The following GTF2E2 variants were observed in gnomAD, a reference collection of about 807,000 sequenced individuals.
The protein encoded by GTF2E2 is general transcription factor IIE subunit 2.
A neutral mutation model predicts 40.5 loss-of-function variants in GTF2E2; 21 were observed. The observed-to-expected ratio is 0.52, with a 90% CI of 0.37 to 0.75. The LOEUF (loss-of-function observed/expected upper bound fraction) is 0.75, where lower values mean the gene tolerates loss of function less well. Among genes scored for constraint, GTF2E2 ranks in the 30% least tolerant of loss-of-function variants. The pLI is 0.00. For missense variants in GTF2E2, 298 were observed against 338.4 expected (o/e 0.88, Z 0.94); for synonymous variants, 117 against 121.6 (o/e 0.96, Z 0.25).
At chr8:30,646,682 T>C (rs1802087760) in intron 2 of GTF2E2, among the ~76,000 whole-genome samples, 1 of 152,012 alleles carries the variant, frequency 6.6e-6, no homozygotes, top group East Asian at 1.9e-4. Context: ...CTTAATGAAT[T>C]ATTAAAAAGC....
At chr8:30,648,347 G>A (rs983419165) in intron 2 of GTF2E2, among the ~76,000 whole-genome samples, 1 of 152,194 alleles carries the variant, frequency 6.6e-6, no homozygotes, top group African/African-American at 2.4e-5. Context: ...AGCTTGAGCT[G>A]AAAGCAACAT....
rs146064282 is a variant in GTF2E2, at chr8:30,620,523, CTCTA to C, written c.259-5812_259-5809del. Among the ~76,000 whole-genome samples, 374 of 152,192 alleles carry C rather than the reference CTCTA, an allele frequency of 2.5e-3. 5 individuals are homozygous for C. The highest frequency in any genetic ancestry group is 8.3e-3 in the African/African-American group (344 of 41,464). ...TAAAATAGTGTATTTTACCTTTTAT[CTCTA>C]TCTTTTTCATTTCTTATTTTTGTGT... On this transcript the variant is annotated intron_variant, in intron 3 of 7. Transcript: ENST00000355904.
At chr8:30,622,294 G>A (rs987643117) in intron 3 of GTF2E2, among the ~76,000 whole-genome samples, 7 of 151,876 alleles carry the variant, frequency 4.6e-5, no homozygotes, top group African/African-American at 7.3e-5. Flanking sequence ...AAAGCTGGGC[G>A]TCCAGGGGAG....
rs151025566 is a variant in GTF2E2 at position 30,580,940 on chromosome 8, C to T, written c.644-544G>A. 1.4e-3 allele frequency among the ~76,000 whole-genome samples: 209 copies of T among 152,316 alleles called. 1 individual carries two copies. Among genetic ancestry groups the T allele is most frequent in the South Asian group, 3.7e-3 (18 of 4,830 alleles). ...TGGCTGAAATAGAAACACTGTCTCA[C>T]CTCCTCTCTGTAATACAAGGAGAAA... On this transcript the variant is annotated intron_variant, in intron 6 of 7. Transcript: ENST00000355904.
chr8:30,644,259 C>T (rs1439263630), intron 2 of GTF2E2, among the ~76,000 whole-genome samples: 1 of 152,130 alleles, frequency 6.6e-6, no homozygotes, highest in Non-Finnish European at 1.5e-5. Context: ...CTTGAACTCA[C>T]CAGCTTCTTT....
intron 4 of GTF2E2, among the ~76,000 whole-genome samples, chr8:30,613,453 A>G (rs1335635809): frequency 1.3e-5 from 2 of 152,244 alleles, no homozygotes; most frequent in Non-Finnish European, 2.9e-5. Flanking sequence ...GCAACCCTAT[A>G]TATTTTCTTC....
chr8:30,646,398 C>A (rs1802076201), intron 2 of GTF2E2, among the ~76,000 whole-genome samples: 1 of 151,978 alleles, frequency 6.6e-6, no homozygotes, highest in South Asian at 2.1e-4. Context: ...CACTCAACAC[C>A]TGTTGAAATA....
chr8:30,651,535 G>T (rs1359469476), intron 2 of GTF2E2, among the ~76,000 whole-genome samples: 1 of 152,160 alleles, frequency 6.6e-6, no homozygotes, highest in African/African-American at 2.4e-5. Context: ...TAGGAAGATT[G>T]CTTGAGGCCA....
Position 30,622,202 on chromosome 8 carries a change from G to A in GTF2E2, c.259-7487C>T, listed in dbSNP as rs963302718. Among the ~76,000 whole-genome samples the A allele has an allele frequency of 4.5e-5, 6 of 133,322 alleles. 1 individual carries two copies. Among genetic ancestry groups the A allele is most frequent in the Admixed American group, 3.5e-4 (4 of 11,430 alleles). The allele number at this position is 133,322 out of a possible 152,430, so 87.5% of individuals were successfully genotyped here. ...GGGTATTAGGGAACCTGCCCCAATA[G>A]TCATGTAGGTTCTTTTCTATTTTCC... On this transcript the variant is annotated intron_variant, in intron 3 of 7. Transcript: ENST00000355904.
In GTF2E2 at chr8:30,621,989, A is replaced by G. The variant is rs569313236; in HGVS notation, c.259-7274T>C. Among the ~76,000 whole-genome samples, 47 of 151,428 alleles carry G rather than the reference A, an allele frequency of 3.1e-4. 1 individual carries two copies. Among genetic ancestry groups the G allele is most frequent in the Admixed American group, 5.3e-4 (8 of 15,214 alleles). On this transcript the variant is annotated intron_variant, in intron 3 of 7. Coordinates refer to ENST00000355904, the MANE Select transcript of GTF2E2 (RefSeq NM_002095.6). The stretch of plus-strand genomic sequence containing the variant: ...TTATATATATATATATTTTTTTATT[A>G]TACTTTAAAGTTCTAGGGTACATGT...
At chr8:30,584,654 T>C (rs552706369) in intron 6 of GTF2E2, 2 of 152,310 alleles carry the variant, frequency 1.3e-5, no homozygotes, top group Admixed American at 1.3e-4. Flanking sequence ...GTAACTGCCA[T>C]AGAAGGGAAG....
At chr8:30,582,167 T>C (rs1828532789) in intron 6 of GTF2E2, among the ~76,000 whole-genome samples, 1 of 151,980 alleles carries the variant, frequency 6.6e-6, no homozygotes, top group Non-Finnish European at 1.5e-5. Flanking sequence ...CACACCACCA[T>C]GCCCAGCTAA....
chr8:30,629,416 G>A (rs560314139), intron 3 of GTF2E2, among the ~76,000 whole-genome samples: 8 of 152,058 alleles, frequency 5.3e-5, no homozygotes, highest in Non-Finnish European at 1.2e-4. Context: ...AAAACAGACT[G>A]TTGCTCACGC....
At chr8:30,597,973 T>C (rs1765226241) in intron 6 of GTF2E2, among the ~76,000 whole-genome samples, 1 of 152,242 alleles carries the variant, frequency 6.6e-6, no homozygotes, top group African/African-American at 2.4e-5. Flanking sequence ...GTCAAACTTA[T>C]TATTATAGCT....
chr8:30,602,016 T>C (rs1280262092), intron 6 of GTF2E2, among the ~76,000 whole-genome samples: 2 of 111,608 alleles, frequency 1.8e-5, no homozygotes, highest in Non-Finnish European at 3.6e-5. Context: ...ATACATTTTT[T>C]AATCTTTTTT....
At chr8:30,641,285 C>T (rs16877233) in intron 2 of GTF2E2, among the ~76,000 whole-genome samples, 5,910 of 152,296 alleles carry the variant, frequency 0.039, 394 homozygotes, top group African/African-American at 0.13. Context: ...ACTGCTTAGA[C>T]ACTTCCAGCA....
At chr8:30,639,584 T>C (rs1801738635) in intron 2 of GTF2E2, among the ~76,000 whole-genome samples, 1 of 152,248 alleles carries the variant, frequency 6.6e-6, no homozygotes, top group African/African-American at 2.4e-5. Context: ...AGAGCAATCA[T>C]TCATGTCTAT....
chr8:30,654,635 C>T (rs1802398550), intron 1 of GTF2E2, among the ~76,000 whole-genome samples: 1 of 152,016 alleles, frequency 6.6e-6, no homozygotes, highest in East Asian at 1.9e-4. Flanking sequence ...GAACTCCTGG[C>T]CTCAAGCAAT....
At chr8:30,625,868 G>A (rs1271447723) in intron 3 of GTF2E2, among the ~76,000 whole-genome samples, 1 of 152,170 alleles carries the variant, frequency 6.6e-6, no homozygotes, top group East Asian at 1.9e-4. Context: ...CAAAGTGCTA[G>A]GATTACAGGC....
Sources: gnomAD v4.1 joint callset for allele counts (sites outside exome capture counted in the v4.1 genomes callset) on GRCh38, gnomAD v4.1.1 for gene constraint, MANE v1.5 for transcripts, NCBI Gene and HGNC (gene_info 2026-07-23, HGNC 2026-07-21) for gene names.